The following PCDHGA5 variants were observed in gnomAD, a reference collection of about 807,000 sequenced individuals.
The protein encoded by PCDHGA5 is protocadherin gamma subfamily A, 5, also known as protocadherin gamma-A5.
In PCDHGA5, 36 loss-of-function variants were observed where a neutral mutation model predicts 56.7. That is an observed-to-expected ratio of 0.64 (90% CI 0.49 to 0.84). The LOEUF is 0.84. Ranked by LOEUF, PCDHGA5 falls within the 40% of genes least tolerant of loss-of-function variation. The probability of loss-of-function intolerance (pLI) is 0.00; values close to 1 mark genes in which losing one functional copy is unlikely to be tolerated. For missense variants in PCDHGA5, 1,305 were observed against 1,201.5 expected (o/e 1.09, Z -1.27); for synonymous variants, 563 against 520.2 (o/e 1.08, Z -1.12).
intron 1 of PCDHGA5, among the ~76,000 whole-genome samples, chr5:141,482,633 G>T (rs1218163238): frequency 2.0e-5 from 3 of 151,784 alleles, no homozygotes; most frequent in Non-Finnish European, 2.9e-5. Flanking sequence ...AGGAAGAAAT[G>T]ATAGAGGTGG....
chr5:141,403,215 G>A (rs2150961720), intron 1 of PCDHGA5: 1 of 1,613,996 alleles, frequency 6.2e-7, no homozygotes, highest in South Asian at 1.1e-5. Flanking sequence ...GTCACCGCGG[G>A]TAGGATAGAC....
chr5:141,491,208 C>G lies in PCDHGA5; in HGVS notation c.2422-3599C>G. 6.2e-7 allele frequency: 1 copy of G among 1,614,204 alleles called. No individual in the cohort carries two copies. Among genetic ancestry groups the G allele is most frequent in the Non-Finnish European group, 8.5e-7 (1 of 1,180,026 alleles). ...TGAGGGACAATGGTGACCCTTCACTCTCCTCCACAGCCACAGTGCTGCTGG... is the reference window on the plus strand; with the variant it reads ...TGAGGGACAATGGTGACCCTTCACTGTCCTCCACAGCCACAGTGCTGCTGG... On this transcript the variant is annotated intron_variant, in intron 1 of 3. Coordinates refer to ENST00000518069, the MANE Select transcript of PCDHGA5 (RefSeq NM_018918.3). This position sits in a 1 kb window ranked among gnomAD's most constrained non-coding sequence, Gnocchi z 6.9.
At position 141,384,421 on chromosome 5, in the gene PCDHGA5, A is replaced by T. The variant is rs764678416; in HGVS notation, c.2421+17670A>T. The T allele has an allele frequency of 1.9e-6, 3 of 1,613,914 alleles. No homozygotes were observed. In the South Asian group the frequency reaches 3.3e-5, roughly 18 times the overall value. ...TCCAGTGTCCTCCTATGTCTCCATA[A>T]ACTCTGACACTGGAGTCCTGTACGC... On this transcript the variant is annotated intron_variant, in intron 1 of 3. Transcript: ENST00000518069.
intron 1 of PCDHGA5, chr5:141,403,000 A>T: frequency 1.1e-5 from 18 of 1,613,980 alleles, no homozygotes; most frequent in Non-Finnish European, 1.4e-5. Context: ...TAGTCCTGCT[A>T]TGCTCGCTCC....
chr5:141,392,785 T>G (rs1329989423), intron 1 of PCDHGA5: 2 of 1,549,000 alleles, frequency 1.3e-6, no homozygotes, highest in African/African-American at 2.7e-5. Flanking sequence ...ACAGTGAAGA[T>G]TCTGAGAGGA....
chr5:141,376,183 C>A, intron 1 of PCDHGA5: 1 of 1,614,148 alleles, frequency 6.2e-7, no homozygotes, highest in Non-Finnish European at 8.5e-7. Flanking sequence ...TGGCCGCGGT[C>A]TCCTGCGTCT....
intron 1 of PCDHGA5, among the ~76,000 whole-genome samples, chr5:141,443,696 T>C (rs1293017505): frequency 6.6e-6 from 1 of 152,308 alleles, no homozygotes; most frequent in Admixed American, 6.5e-5. Context: ...TCAAAAATTA[T>C]AGAATAACAT....
Position 141,485,209 on chromosome 5 carries a change from G to T in PCDHGA5, c.2422-9598G>T, listed in dbSNP as rs2099609420. The T allele has an allele frequency of 6.2e-7, 1 of 1,614,032 alleles. No individual in the cohort carries two copies. Among genetic ancestry groups the T allele is most frequent in the African/African-American group, 1.3e-5 (1 of 74,938 alleles). On this transcript the variant is annotated intron_variant, in intron 1 of 3. Transcript: ENST00000518069. This position sits in a 1 kb window ranked among gnomAD's most constrained non-coding sequence, Gnocchi z 5.7. Reference sequence around the variant, plus strand: ...AGGTGAGAAGCTGGACAGAAATCTGGCGGTGGGCTACCCTTTTGTTCCTCT... The same window carrying T: ...AGGTGAGAAGCTGGACAGAAATCTGTCGGTGGGCTACCCTTTTGTTCCTCT...
At chr5:141,478,559 A>T (rs938780510) in intron 1 of PCDHGA5, 1 of 1,599,454 alleles carries the variant, frequency 6.3e-7, no homozygotes, top group Non-Finnish European at 8.5e-7. Context: ...AAGGTTTAGC[A>T]AGTCATGCTT....
intron 1 of PCDHGA5, among the ~76,000 whole-genome samples, chr5:141,407,531 T>C (rs757019162): frequency 3.3e-5 from 5 of 151,462 alleles, no homozygotes; most frequent in South Asian, 2.1e-4. Context: ...TAACTTATTG[T>C]GCATTGGTAA....
chr5:141,501,500 C>G (rs1385290676), intron 2 of PCDHGA5, among the ~76,000 whole-genome samples: 1 of 151,934 alleles, frequency 6.6e-6, no homozygotes, highest in Non-Finnish European at 1.5e-5. Context: ...GCTGCTGGGG[C>G]TCCAAGGCCT....
rs761350249 is a variant in PCDHGA5 at position 141,418,909 on chromosome 5, G to A, written c.2421+52158G>A. Reference sequence around the variant, plus strand: ...ACAACAGCCCAGAAATAATCATCACGTCACTCTCTGATCAGATTATGGAGG... The same window carrying A: ...ACAACAGCCCAGAAATAATCATCACATCACTCTCTGATCAGATTATGGAGG... On this transcript the variant is annotated intron_variant, in intron 1 of 3. Coordinates refer to ENST00000518069, the MANE Select transcript of PCDHGA5 (RefSeq NM_018918.3). The A allele has an allele frequency of 1.9e-6, 3 of 1,613,906 alleles. No homozygotes were observed. In the Admixed American group the frequency reaches 5.0e-5, roughly 27 times the overall value.
intron 1 of PCDHGA5, among the ~76,000 whole-genome samples, chr5:141,387,483 C>G (rs771352001): frequency 6.6e-6 from 1 of 152,204 alleles, no homozygotes; most frequent in Non-Finnish European, 1.5e-5. Flanking sequence ...GGGATGAAGG[C>G]ATTCCTAAGA....
intron 1 of PCDHGA5, chr5:141,394,113 A>G: frequency 6.2e-7 from 1 of 1,613,950 alleles, no homozygotes; most frequent in Non-Finnish European, 8.5e-7. Flanking sequence ...ACCTCTGTCC[A>G]CTGAAACTCA....
chr5:141,373,848 C>A, intron 1 of PCDHGA5: 3 of 446,942 alleles, frequency 6.7e-6, no homozygotes, highest in Non-Finnish European at 7.9e-6. Flanking sequence ...GGACTCTAAG[C>A]GTCGCTGTTG....
chr5:141,494,832 G>T lies in PCDHGA5; in HGVS notation c.2447G>T (p.Arg816Leu). 1 of 1,614,066 alleles carries T rather than the reference G, an allele frequency of 6.2e-7. No homozygotes were observed. ...CAAGCCCCGCCCAACACGGACTGGCGTTTCTCTCAGGCCCAGAGACCCGGC... is the reference window on the plus strand; with the variant it reads ...CAAGCCCCGCCCAACACGGACTGGCTTTTCTCTCAGGCCCAGAGACCCGGC... The part of the protein sequence containing the change: ...VQQAPPNTDW[R>L]FSQAQRPGTS... The change falls in exon 2 of 4, where the codon CGT becomes CTT. Residue 816 changes from arginine to leucine, a missense_variant. Transcript: ENST00000518069.
Position 141,486,390 on chromosome 5 carries a change from C to T in PCDHGA5, c.2422-8417C>T. 6.2e-7 allele frequency: 1 copy of T among 1,614,138 alleles called. No homozygotes were observed. The highest frequency in any genetic ancestry group is 1.1e-5 in the South Asian group (1 of 91,084). On this transcript the variant is annotated intron_variant, in intron 1 of 3. Coordinates refer to ENST00000518069, the MANE Select transcript of PCDHGA5 (RefSeq NM_018918.3). This position sits in a 1 kb window ranked among gnomAD's most constrained non-coding sequence, Gnocchi z 5.0. ...AAGTCTGCCTTCAGGAACCAGTTCTCCCTGGTGACTGCTGGACCCTTGGAT... is the reference window on the plus strand; with the variant it reads ...AAGTCTGCCTTCAGGAACCAGTTCTTCCTGGTGACTGCTGGACCCTTGGAT...
chr5:141,491,119 G>A lies in PCDHGA5; in HGVS notation c.2422-3688G>A. 6.2e-7 allele frequency: 1 copy of A among 1,614,216 alleles called. No individual in the cohort carries two copies. The highest frequency in any genetic ancestry group is 1.1e-5 in the South Asian group (1 of 91,086). ...GTTCCTCGTGTCTACACACACTGGT[G>A]AGGTGCGCACAGCCCGGGCCTTACT... On this transcript the variant is annotated intron_variant, in intron 1 of 3. Transcript: ENST00000518069. The surrounding 1 kb of genome is among the most constrained non-coding windows in gnomAD (Gnocchi z 6.9).
chr5:141,438,623 TATATATATATATACAC>T (rs1207200307), intron 1 of PCDHGA5, among the ~76,000 whole-genome samples: 21 of 42,842 alleles, frequency 4.9e-4, no homozygotes, highest in South Asian at 2.6e-3. Flanking sequence ...TATATATATA[TATATATATATATACAC>T]ACACACACAC....
Sources: gnomAD v4.1 joint callset for allele counts (sites outside exome capture counted in the v4.1 genomes callset) on GRCh38, gnomAD v4.1.1 for gene constraint, Gnocchi (gnomAD v3.1) non-coding constraint, MANE v1.5 for transcripts, NCBI Gene and HGNC (gene_info 2026-07-23, HGNC 2026-07-21) for gene names.